Variants in ZMAT4 observed in about 807,000 individuals in gnomAD.
The protein encoded by ZMAT4 is zinc finger matrin-type 4.
A neutral mutation model predicts 28.7 loss-of-function variants in ZMAT4; 17 were observed. The observed-to-expected ratio is 0.59, with a 90% confidence interval of 0.41 to 0.89. ZMAT4 has a LOEUF of 0.89. Ranked by LOEUF, ZMAT4 falls within the 40% of genes least tolerant of loss-of-function variation. The probability of loss-of-function intolerance (pLI) is 0.00; values close to 1 mark genes in which losing one functional copy is unlikely to be tolerated. For missense variants in ZMAT4, 240 were observed against 283.8 expected, an observed-to-expected ratio of 0.85 and a Z score of 1.11; for synonymous variants, 117 against 109.2, an observed-to-expected ratio of 1.07 and a Z score of -0.44.
At chr8:40,828,928 G>T (rs1202014603) in intron 1 of ZMAT4, among the ~76,000 whole-genome samples, 1 of 151,180 alleles carries the variant, frequency 6.6e-6, no homozygotes, top group Admixed American at 6.6e-5. Context: ...GGCCTTCACT[G>T]TCTTCACCAA....
chr8:40,861,747 C>A (rs949234977), intron 1 of ZMAT4, among the ~76,000 whole-genome samples: 26 of 152,086 alleles, frequency 1.7e-4, no homozygotes, highest in African/African-American at 3.9e-4. Flanking sequence ...ACCCCATCAA[C>A]AAGTGGGCAA....
chr8:40,729,703 A>G (rs1381377044), intron 3 of ZMAT4, among the ~76,000 whole-genome samples: 19 of 151,380 alleles, frequency 1.3e-4, no homozygotes, highest in African/African-American at 4.6e-4. Flanking sequence ...CAAGTAAATG[A>G]TTCTCCTGCC....
intron 5 of ZMAT4, among the ~76,000 whole-genome samples, chr8:40,613,468 GCCACCTTGCCCA>G (rs1312802504): frequency 1.3e-5 from 2 of 152,184 alleles, no homozygotes; most frequent in Non-Finnish European, 2.9e-5. Context: ...GCAAGCGTGA[GCCACCTTGCCCA>G]GCCTCACCTG....
Position 40,881,424 on chromosome 8 carries a change from GAAGAAAGAGAGAAAGAAAGAAAGA to G in ZMAT4, c.-5+16235_-5+16258del, listed in dbSNP as rs1212245138. Among the ~76,000 whole-genome samples, 6 of 71,218 alleles carry G rather than the reference GAAGAAAGAGAGAAAGAAAGAAAGA, an allele frequency of 8.4e-5. No individual in the cohort carries two copies. In the East Asian group the frequency reaches 1.6e-3, roughly 19 times the overall value. 46.7% of individuals were successfully genotyped at this position (71,218 alleles called of 152,430 possible). A position where few individuals can be genotyped will look rare whatever the true frequency, so the allele number is the denominator to read the frequency against. On this transcript the variant is annotated intron_variant, in intron 1 of 6. Coordinates refer to ENST00000297737, the MANE Select transcript of ZMAT4 (RefSeq NM_024645.3). Reference sequence around the variant, plus strand: ...AGAGAGAGAAAGAAAGGAAGAAAAAGAAGAAAGAGAGAAAGAAAGAAAGAAAGAAAGAAAGAAAGAAAGAAAGAA... The same window carrying G: ...AGAGAGAGAAAGAAAGGAAGAAAAAGAAGAAAGAAAGAAAGAAAGAAAGAA...
chr8:40,576,340 CA>C (rs1804262837), intron 6 of ZMAT4, among the ~76,000 whole-genome samples: 1 of 150,168 alleles, frequency 6.7e-6, no homozygotes. Flanking sequence ...AGATTAAACC[CA>C]AAAAGGTCCT....
chr8:40,843,373 G>A (rs1255948730), intron 1 of ZMAT4, among the ~76,000 whole-genome samples: 1 of 152,164 alleles, frequency 6.6e-6, no homozygotes, highest in Non-Finnish European at 1.5e-5. Flanking sequence ...CAGAGACCCA[G>A]CAGGAGCTCA....
intron 3 of ZMAT4, among the ~76,000 whole-genome samples, chr8:40,752,448 A>G (rs1175792271): frequency 2.6e-5 from 4 of 152,168 alleles, no homozygotes; most frequent in Admixed American, 6.5e-5. Context: ...AGCAAACTGC[A>G]TCTTCATGCA....
intron 4 of ZMAT4, among the ~76,000 whole-genome samples, chr8:40,682,604 A>G (rs1809224468): frequency 6.6e-6 from 1 of 152,218 alleles, no homozygotes; most frequent in South Asian, 2.1e-4. Context: ...ACTATAATAT[A>G]TCCGATGTTT....
At chr8:40,567,603 G>A (rs748984236) in intron 6 of ZMAT4, among the ~76,000 whole-genome samples, 1 of 151,642 alleles carries the variant, frequency 6.6e-6, no homozygotes, top group Non-Finnish European at 1.5e-5. Flanking sequence ...AGAGGCTGAG[G>A]CAGGGGAATC....
At chr8:40,607,322 G>A (rs920001556) in intron 5 of ZMAT4, among the ~76,000 whole-genome samples, 11 of 151,774 alleles carry the variant, frequency 7.2e-5, no homozygotes, top group African/African-American at 1.5e-4. Context: ...ACGGTGAGAC[G>A]GGGTTTCACC....
rs138271915 is a variant in ZMAT4 at position 40,791,890 on chromosome 8, C to A, written c.103-24160G>T. ...CAATAAATTGGATAGCTATGAGCAC[C>A]AGCTAACTTCATCAGGAGGGCCGCT... On this transcript the variant is annotated intron_variant, in intron 2 of 6. Coordinates refer to ENST00000297737, the MANE Select transcript of ZMAT4 (RefSeq NM_024645.3). Among the ~76,000 whole-genome samples, 140 of 152,216 alleles carry A rather than the reference C, an allele frequency of 9.2e-4. 2 individuals are homozygous for A. The East Asian group carries it at 0.024, about 26-fold the overall frequency.
At chr8:40,836,517 G>A (rs535073156) in intron 1 of ZMAT4, among the ~76,000 whole-genome samples, 1 of 152,272 alleles carries the variant, frequency 6.6e-6, no homozygotes, top group South Asian at 2.1e-4. Context: ...ACACCTACAG[G>A]AGAGTGGATG....
intron 4 of ZMAT4, among the ~76,000 whole-genome samples, chr8:40,680,782 C>T (rs1809130327): frequency 6.6e-6 from 1 of 151,958 alleles, no homozygotes; most frequent in Non-Finnish European, 1.5e-5. Context: ...CTCCCCAAGC[C>T]CCTGGCTCTT....
intron 1 of ZMAT4, among the ~76,000 whole-genome samples, chr8:40,873,822 A>G (rs978512519): frequency 6.6e-6 from 1 of 152,108 alleles, no homozygotes; most frequent in Non-Finnish European, 1.5e-5. Flanking sequence ...TTTAACTTCT[A>G]TTGTTTTTGA....
intron 6 of ZMAT4, among the ~76,000 whole-genome samples, chr8:40,543,194 G>T (rs1218397801): frequency 2.6e-5 from 4 of 152,128 alleles, no homozygotes; most frequent in African/African-American, 9.6e-5. Context: ...ATTACTGAAA[G>T]CTGTCAGCAC....
intron 3 of ZMAT4, among the ~76,000 whole-genome samples, chr8:40,763,477 A>G (rs1339768139): frequency 6.6e-6 from 1 of 152,126 alleles, no homozygotes; most frequent in Non-Finnish European, 1.5e-5. Flanking sequence ...CATTTAGAAC[A>G]CGTGTGGAAA....
intron 6 of ZMAT4, among the ~76,000 whole-genome samples, chr8:40,541,253 C>A (rs2118379124): frequency 6.6e-6 from 1 of 152,212 alleles, no homozygotes; most frequent in Non-Finnish European, 1.5e-5. Flanking sequence ...GAAACAGAGA[C>A]AGGGGACTGA....
At chr8:40,583,654 G>A (rs1294690526) in intron 5 of ZMAT4, among the ~76,000 whole-genome samples, 1 of 152,168 alleles carries the variant, frequency 6.6e-6, no homozygotes, top group Non-Finnish European at 1.5e-5. Flanking sequence ...AGCCTCAGGA[G>A]GTCCTGAGGA....
intron 2 of ZMAT4, among the ~76,000 whole-genome samples, chr8:40,786,352 C>A (rs1424965233): frequency 6.6e-6 from 1 of 151,572 alleles, no homozygotes; most frequent in Non-Finnish European, 1.5e-5. Context: ...ACCAATTCTA[C>A]CAAAAAAAGA....
Sources: allele counts gnomAD v4.1 joint callset (sites outside exome capture counted in the v4.1 genomes callset), GRCh38; gene constraint gnomAD v4.1.1; transcripts MANE v1.5; gene names NCBI Gene and HGNC (gene_info 2026-07-23, HGNC 2026-07-21).